Variants in CA10 observed in about 807,000 individuals in gnomAD.
CA10 encodes the protein carbonic anhydrase-related protein 10.
Under a neutral mutation model 44.2 loss-of-function variants are expected in CA10, and 14 were observed. The ratio of observed to expected loss-of-function variants is 0.32; its 90% confidence interval spans 0.21 to 0.50. CA10 has a LOEUF of 0.50. CA10 is among the 20% of genes least tolerant of loss of function. The pLI, the probability that CA10 is intolerant of heterozygous loss-of-function variation, is 0.99. For missense variants in CA10, 350 were observed against 409.7 expected, an observed-to-expected ratio of 0.85 and a Z score of 1.26; for synonymous variants, 159 against 141.6, an observed-to-expected ratio of 1.12 and a Z score of -0.87.
intron 3 of CA10, among the ~76,000 whole-genome samples, chr17:51,810,787 G>A (rs547021758): frequency 2.0e-5 from 3 of 152,340 alleles, no homozygotes; most frequent in Admixed American, 6.5e-5. Flanking sequence ...TTACCCTCCA[G>A]GAGCTGGGCT....
At chr17:51,715,635 G>A (rs936378358) in intron 4 of CA10, among the ~76,000 whole-genome samples, 5 of 152,168 alleles carry the variant, frequency 3.3e-5, no homozygotes, top group Admixed American at 6.5e-5. Flanking sequence ...TTTAAAATGT[G>A]CAATTTATTA....
At chr17:51,795,433 A>C (rs979829965) in intron 3 of CA10, among the ~76,000 whole-genome samples, 4 of 152,008 alleles carry the variant, frequency 2.6e-5, no homozygotes, top group Admixed American at 2.0e-4. Flanking sequence ...AGAGAAAAGG[A>C]AACACATTTT....
intron 3 of CA10, among the ~76,000 whole-genome samples, chr17:51,757,704 C>A (rs1336662181): frequency 6.6e-6 from 1 of 152,184 alleles, no homozygotes; most frequent in Non-Finnish European, 1.5e-5. Flanking sequence ...TCTGGACCTG[C>A]CATTTACATG....
intron 2 of CA10, among the ~76,000 whole-genome samples, chr17:51,949,996 C>T (rs935386988): frequency 6.6e-6 from 1 of 152,138 alleles, no homozygotes; most frequent in Non-Finnish European, 1.5e-5. Flanking sequence ...TGCTGTTATA[C>T]TAATTATTAG....
intron 1 of CA10, among the ~76,000 whole-genome samples, chr17:52,144,553 T>C (rs140527103): frequency 6.6e-6 from 1 of 152,326 alleles, no homozygotes; most frequent in Non-Finnish European, 1.5e-5. Context: ...CCCAGTAAAC[T>C]GTCTCTGAAG....
intron 1 of CA10, among the ~76,000 whole-genome samples, chr17:52,074,811 A>C (rs921644504): frequency 6.6e-6 from 1 of 152,184 alleles, no homozygotes; most frequent in Admixed American, 6.5e-5. Context: ...CTGCTAGCCA[A>C]ATATGGCCCA....
intron 1 of CA10, among the ~76,000 whole-genome samples, chr17:52,082,100 C>T (rs1987998997): frequency 6.6e-6 from 1 of 152,158 alleles, no homozygotes; most frequent in South Asian, 2.1e-4. Flanking sequence ...CTTTGTCTTC[C>T]ATAATGCAAC....
intron 3 of CA10, among the ~76,000 whole-genome samples, chr17:51,905,467 C>A (rs903726024): frequency 1.3e-5 from 2 of 148,556 alleles, no homozygotes; most frequent in African/African-American, 4.9e-5. Context: ...GAATTTCTAT[C>A]ATTTTCTGGC....
chr17:51,965,834 C>A (rs1233135241), intron 2 of CA10, among the ~76,000 whole-genome samples: 1 of 151,870 alleles, frequency 6.6e-6, no homozygotes, highest in African/African-American at 2.4e-5. Flanking sequence ...CTCACCACTC[C>A]TATTTAACAT....
intron 3 of CA10, among the ~76,000 whole-genome samples, chr17:51,809,469 CT>C (rs1194935221): frequency 6.6e-6 from 1 of 152,216 alleles, no homozygotes; most frequent in African/African-American, 2.4e-5. Flanking sequence ...GGTTAAATGA[CT>C]TGTCTCTGTC....
At chr17:52,101,423 C>A (rs1032737903) in intron 1 of CA10, among the ~76,000 whole-genome samples, 10 of 152,168 alleles carry the variant, frequency 6.6e-5, no homozygotes, top group Non-Finnish European at 1.2e-4. Flanking sequence ...CAGTTAAAAT[C>A]AGCCAAACAA....
chr17:51,916,591 C>T (rs1464350239), intron 3 of CA10, among the ~76,000 whole-genome samples: 2 of 152,148 alleles, frequency 1.3e-5, no homozygotes, highest in African/African-American at 2.4e-5. Context: ...TTTGACCTTC[C>T]ACCATGATTG....
intron 3 of CA10, among the ~76,000 whole-genome samples, chr17:51,929,255 TAA>T (rs2143990014): frequency 6.6e-6 from 1 of 152,312 alleles, no homozygotes; most frequent in African/African-American, 2.4e-5. Flanking sequence ...ATTTTTCCTT[TAA>T]GACATTCTGA....
chr17:51,912,788 G>A (rs987271783), intron 3 of CA10, among the ~76,000 whole-genome samples: 12 of 152,108 alleles, frequency 7.9e-5, no homozygotes, highest in African/African-American at 2.4e-4. Context: ...ATATTCTACC[G>A]AACTTTCATA....
At chr17:51,816,916 T>C in intron 3 of CA10, among the ~76,000 whole-genome samples, 1 of 152,172 alleles carries the variant, frequency 6.6e-6, no homozygotes, top group African/African-American at 2.4e-5. Context: ...AGCAGAGTCC[T>C]CCCTTCCACC....
intron 2 of CA10, among the ~76,000 whole-genome samples, chr17:52,020,795 C>A (rs978517605): frequency 1.3e-5 from 2 of 151,972 alleles, no homozygotes; most frequent in Non-Finnish European, 2.9e-5. Flanking sequence ...TTTTTCAACC[C>A]TTGCCCCATC....
At chr17:51,964,706 C>G (rs990860040) in intron 2 of CA10, among the ~76,000 whole-genome samples, 6 of 151,556 alleles carry the variant, frequency 4.0e-5, no homozygotes, top group Non-Finnish European at 8.9e-5. Flanking sequence ...AAAAAAAAAT[C>G]TTTGAAATAA....
intron 3 of CA10, among the ~76,000 whole-genome samples, chr17:51,844,878 T>C (rs1978422486): frequency 6.6e-6 from 1 of 152,190 alleles, no homozygotes; most frequent in African/African-American, 2.4e-5. Context: ...AACCTCAGAA[T>C]GTGACCTTAT....
chr17:51,984,284 GA>G (rs1452029017), intron 2 of CA10, among the ~76,000 whole-genome samples: 1 of 151,756 alleles, frequency 6.6e-6, no homozygotes, highest in Admixed American at 6.6e-5. Context: ...AAGCAAGATG[GA>G]AATGAAAACA....
Sources: gnomAD v4.1 joint callset for allele counts (sites outside exome capture counted in the v4.1 genomes callset) on GRCh38, gnomAD v4.1.1 for gene constraint, MANE v1.5 for transcripts, NCBI Gene and HGNC (gene_info 2026-07-23, HGNC 2026-07-21) for gene names.